Variants in LAMA1 observed in about 807,000 individuals in gnomAD.
The protein encoded by LAMA1 is laminin subunit alpha-1.
Under a neutral mutation model 348.7 loss-of-function variants are expected in LAMA1, and 219 were observed. The observed-to-expected ratio is 0.63, with a 90% confidence interval of 0.56 to 0.70. The LOEUF is 0.70. Among genes scored for constraint, LAMA1 ranks in the 30% least tolerant of loss-of-function variants. The pLI is 0.00. For synonymous variants in LAMA1, 1,487 were observed against 1,491.0 expected (o/e 1.00, Z 0.06); for missense variants, 3,744 against 3,888.0 (o/e 0.96, Z 0.99).
In LAMA1 at chr18:6,971,809, A is replaced by T. The variant is rs534805392; in HGVS notation, c.6899+48T>A. ...AATACATTCTTTCAGCACTTCTCAG[A>T]TGTTAACAGAATAACATACTATGTG... On this transcript the variant is annotated intron_variant, in intron 48 of 62. Transcript: ENST00000389658. 4.3e-6 allele frequency: 7 copies of T among 1,612,834 alleles called. No homozygotes were observed. The Admixed American group carries it at 1.2e-4, about 27-fold the overall frequency.
chr18:6,996,833 A>C (rs917163943), intron 33 of LAMA1, among the ~76,000 whole-genome samples: 1 of 152,084 alleles, frequency 6.6e-6, no homozygotes, highest in African/African-American at 2.4e-5. Flanking sequence ...GTGCTATAGT[A>C]GGATGCTGTC....
In LAMA1 at chr18:7,026,983, C is replaced by CAA. The variant is rs34247523; in HGVS notation, c.2275-879_2275-878dup. On this transcript the variant is annotated intron_variant, in intron 16 of 62. Coordinates refer to ENST00000389658, the MANE Select transcript of LAMA1 (RefSeq NM_005559.4). ...CCTGGGTGACAGCGAGACTCCGTCTCAAAAAAAAAAAAAAAAGATTATATT... is the reference window on the plus strand; with the variant it reads ...CCTGGGTGACAGCGAGACTCCGTCTCAAAAAAAAAAAAAAAAAAGATTATATT... 4.8e-4 allele frequency among the ~76,000 whole-genome samples: 33 copies of CAA among 68,616 alleles called. 1 individual carries two copies. Among genetic ancestry groups the CAA allele is most frequent in the African/African-American group, 1.5e-3 (31 of 20,278 alleles). The allele number at this position is 68,616 out of a possible 152,430, so 45.0% of individuals were successfully genotyped here. A position where few individuals can be genotyped will look rare whatever the true frequency, so the allele number is the denominator to read the frequency against.
intron 48 of LAMA1, 127 bp from the exon 49 acceptor site, chr18:6,966,424 T>C: frequency 1.2e-6 from 1 of 801,870 alleles, no homozygotes; most frequent in Non-Finnish European, 2.1e-6. Flanking sequence ...TCATAACAAG[T>C]GTAGATGATA....
chr18:6,997,957 C>T (rs773462516), intron 32 of LAMA1, 73 bp from the exon 33 acceptor site: 33 of 1,411,956 alleles, frequency 2.3e-5, no homozygotes, highest in African/African-American at 7.0e-5. Flanking sequence ...CATGGAGTTG[C>T]GCAAGTTGTT....
chr18:7,099,117 G>C (rs1018935959), intron 1 of LAMA1, among the ~76,000 whole-genome samples: 7 of 151,828 alleles, frequency 4.6e-5, no homozygotes, highest in Admixed American at 2.0e-4. Context: ...ATTTTGTTCT[G>C]TACTAAGATA....
intron 36 of LAMA1, among the ~76,000 whole-genome samples, chr18:6,989,706 G>C (rs931625966): frequency 6.6e-6 from 1 of 152,052 alleles, no homozygotes; most frequent in Non-Finnish European, 1.5e-5. Flanking sequence ...GGGAACAGGT[G>C]GGGGTGGGGG....
At chr18:7,036,323 A>C (rs1031095012) in intron 12 of LAMA1, among the ~76,000 whole-genome samples, 16 of 152,196 alleles carry the variant, frequency 1.1e-4, no homozygotes, top group African/African-American at 3.1e-4. Context: ...ACAGAAGAAA[A>C]ATGTACTCTT....
Position 6,983,235 on chromosome 18 carries a change from C to G in LAMA1, c.5661-1G>C, listed in dbSNP as rs751852609. ...CACATTTCTGATGTTTTCAAGGCCA[C>G]TATCAAAGCAGCATATTTAGATACG... On this transcript the variant is annotated splice_acceptor_variant, in intron 39 of 62. Coordinates refer to ENST00000389658, the MANE Select transcript of LAMA1 (RefSeq NM_005559.4). LOFTEE classifies it high-confidence loss of function. 2 of 1,614,168 alleles carry G rather than the reference C, an allele frequency of 1.2e-6. No individual in the cohort carries two copies. Among genetic ancestry groups the G allele is most frequent in the Middle Eastern group, 1.6e-4 (1 of 6,062 alleles).
At chr18:7,090,135 G>C (rs554967620) in intron 1 of LAMA1, among the ~76,000 whole-genome samples, 2 of 152,152 alleles carry the variant, frequency 1.3e-5, no homozygotes, top group African/African-American at 2.4e-5. Flanking sequence ...CCCATAACAG[G>C]AGTCCCCTGC....
intron 42 of LAMA1, among the ~76,000 whole-genome samples, chr18:6,978,818 T>G (rs1435434332): frequency 6.6e-6 from 1 of 152,176 alleles, no homozygotes; most frequent in Non-Finnish European, 1.5e-5. Context: ...CATGTCTGGA[T>G]AATAAGGATT....
At chr18:7,011,689 G>T (rs552772517) in intron 24 of LAMA1, among the ~76,000 whole-genome samples, 1 of 152,124 alleles carries the variant, frequency 6.6e-6, no homozygotes, top group Admixed American at 6.6e-5. Context: ...CTGTTGCTAC[G>T]CTGGGGAAAC....
chr18:6,989,353 G>A (rs1269501933), intron 36 of LAMA1, among the ~76,000 whole-genome samples: 1 of 152,168 alleles, frequency 6.6e-6, no homozygotes, highest in Non-Finnish European at 1.5e-5. Flanking sequence ...GGGTCCTGGT[G>A]AAACTCTGAA....
At chr18:6,980,971 T>C (rs993944898) in intron 41 of LAMA1, among the ~76,000 whole-genome samples, 22 of 151,886 alleles carry the variant, frequency 1.4e-4, no homozygotes, top group African/African-American at 2.7e-4. Flanking sequence ...GACGTGGTGG[T>C]GGGCGCCTGT....
chr18:7,109,585 A>C (rs557446785), intron 1 of LAMA1, among the ~76,000 whole-genome samples: 1 of 152,276 alleles, frequency 6.6e-6, no homozygotes, highest in African/African-American at 2.4e-5. Context: ...TTAGGTTTTC[A>C]GTGGGAAACG....
At position 7,011,488 on chromosome 18, in the gene LAMA1, C is replaced by A. The variant is rs369050706; in HGVS notation, c.3508-9G>T. The A allele has an allele frequency of 1.3e-6, 2 of 1,596,554 alleles. No homozygotes were observed. Among genetic ancestry groups the A allele is most frequent in the Admixed American group, 3.5e-5 (2 of 56,706 alleles). ...TCGGAGCCCAGCGTTACCTAAACCA[C>A]GAAAGGAGGGGAAAGTGCACTTCAA... On this transcript the variant is annotated splice_polypyrimidine_tract_variant and intron_variant, in intron 24 of 62. Transcript: ENST00000389658.
chr18:7,096,308 A>G (rs759196569), intron 1 of LAMA1, among the ~76,000 whole-genome samples: 4 of 152,150 alleles, frequency 2.6e-5, no homozygotes, highest in Non-Finnish European at 5.9e-5. Context: ...AAATCAGTGG[A>G]TTGTTAATGG....
rs760156470 is a variant in LAMA1, at chr18:6,959,379, A to G, written c.7740T>C (p.Asp2580=). The G allele has an allele frequency of 2.5e-6, 4 of 1,614,140 alleles. No homozygotes were observed. The Admixed American group carries it at 6.7e-5, about 27-fold the overall frequency. Residue 2580 remains aspartate, a synonymous_variant, in exon 54 of 63, where the codon GAT becomes GAC. Transcript: ENST00000389658. ...LLHAPTGTCS[D]GQAHSISLVR... is the part of the protein sequence containing the mutation. ...CCAAGGAGATGGAATGCGCTTGTCC[A>G]TCACTGCAGGTACCCGTGGGAGCGT...
chr18:6,965,536 A>G, intron 49 of LAMA1, 104 bp from the exon 50 acceptor site: 1 of 1,368,894 alleles, frequency 7.3e-7, no homozygotes, highest in Non-Finnish European at 1.0e-6. Flanking sequence ...AAACTGAGAA[A>G]ACTGGATCTG....
intron 44 of LAMA1, 40 bp downstream of exon 44, chr18:6,977,687 T>TG (rs773246620): frequency 1.9e-6 from 3 of 1,612,678 alleles, no homozygotes; most frequent in Non-Finnish European, 2.5e-6. Context: ...CCCACATGAC[T>TG]GAGAGCCCAG....
Sources: gnomAD v4.1 joint callset for allele counts (sites outside exome capture counted in the v4.1 genomes callset) on GRCh38, gnomAD v4.1.1 for gene constraint, MANE v1.5 for transcripts, NCBI Gene and HGNC (gene_info 2026-07-23, HGNC 2026-07-21) for gene names.